PGGT1B: variants seen among roughly 807,000 people sequenced by gnomAD.
The protein encoded by PGGT1B is geranylgeranyl transferase type-1 subunit beta.
PGGT1B carries 30 observed loss-of-function variants against 46.1 expected under a neutral mutation model. The observed-to-expected ratio is 0.65, with a 90% CI of 0.49 to 0.88. The LOEUF (loss-of-function observed/expected upper bound fraction) is 0.88, where lower values mean the gene tolerates loss of function less well. Ranked by LOEUF, PGGT1B falls within the 40% of genes least tolerant of loss-of-function variation. PGGT1B has a pLI of 0.00. For synonymous variants in PGGT1B, 170 were observed against 160.0 expected (o/e 1.06, Z -0.47); for missense variants, 376 against 455.9 (o/e 0.82, Z 1.60).
At chr5:115,240,601 C>T (rs1461614574) in intron 3 of PGGT1B, among the ~76,000 whole-genome samples, 1 of 152,206 alleles carries the variant, frequency 6.6e-6, no homozygotes, top group Non-Finnish European at 1.5e-5. Context: ...CACAGGCAAG[C>T]TGGTTTACAG....
chr5:115,215,038 G>A (rs991544796), intron 8 of PGGT1B, among the ~76,000 whole-genome samples: 8 of 152,120 alleles, frequency 5.3e-5, no homozygotes, highest in Admixed American at 1.3e-4. Context: ...TCGCTCTGTC[G>A]CCCAGGCTGG....
rs779770906 is a variant in PGGT1B, at chr5:115,253,307, T to A, written c.141-52A>T. 8.6e-6 allele frequency: 12 copies of A among 1,396,634 alleles called. No homozygotes were observed. In the South Asian group the frequency reaches 1.6e-4, roughly 19 times the overall value. The allele number at this position is 1,396,634 out of a possible 1,614,324, so 86.5% of individuals were successfully genotyped here. A position where few individuals can be genotyped will look rare whatever the true frequency, so the allele number is the denominator to read the frequency against. On this transcript the variant is annotated intron_variant, in intron 1 of 8. Transcript: ENST00000419445. Reference sequence around the variant, plus strand: ...TCTTAACTATCATACCACTTAAGTCTGAAGTCTTCCTGGTCTAGAAAAATA... The same window carrying A: ...TCTTAACTATCATACCACTTAAGTCAGAAGTCTTCCTGGTCTAGAAAAATA...
At chr5:115,216,669 GAT>G (rs1443214829) in intron 8 of PGGT1B, among the ~76,000 whole-genome samples, 194 bp downstream of exon 8, 1 of 152,092 alleles carries the variant, frequency 6.6e-6, no homozygotes, top group African/African-American at 2.4e-5. Context: ...CATGCATCTT[GAT>G]AATAAACTCT....
intron 3 of PGGT1B, among the ~76,000 whole-genome samples, chr5:115,240,325 G>A (rs934618485): frequency 1.3e-5 from 2 of 152,120 alleles, no homozygotes; most frequent in South Asian, 4.2e-4. Context: ...TATTTTAAAA[G>A]TAATGTTATT....
chr5:115,226,539 A>G (rs907527000), intron 6 of PGGT1B, among the ~76,000 whole-genome samples: 4 of 145,422 alleles, frequency 2.8e-5, no homozygotes, highest in Middle Eastern at 3.3e-3. Context: ...TAGTTGAATT[A>G]AAATATATAT....
chr5:115,258,570 T>C (rs1748422151), intron 1 of PGGT1B, among the ~76,000 whole-genome samples: 1 of 152,212 alleles, frequency 6.6e-6, no homozygotes, highest in African/African-American at 2.4e-5. Flanking sequence ...ACTAGAGAAC[T>C]AATTGAAGTT....
chr5:115,246,887 G>C (rs1402899161), intron 2 of PGGT1B, among the ~76,000 whole-genome samples: 5 of 152,142 alleles, frequency 3.3e-5, no homozygotes, highest in Admixed American at 6.6e-5. Context: ...CATAAAAATT[G>C]AGGTTACTGA....
chr5:115,259,685 C>CA (rs917531364), intron 1 of PGGT1B, among the ~76,000 whole-genome samples: 5,064 of 29,140 alleles, frequency 0.17, 710 homozygotes, highest in African/African-American at 0.22. Context: ...GAGACTGTCT[C>CA]AAAAAAAAAA....
chr5:115,205,281 A>G lies in PGGT1B; in HGVS notation c.*7121T>C, dbSNP rs1756029363. On this transcript the variant is annotated 3_prime_UTR_variant, in exon 9 of 9. Coordinates refer to ENST00000419445, the MANE Select transcript of PGGT1B (RefSeq NM_005023.4). ...TTGACTCACAAGTAGATGCAAACAT[A>G]CATGAGTGAGGTCCCATGTACCAAT... 1 of 152,180 alleles carries G rather than the reference A, an allele frequency of 6.6e-6. No homozygotes were observed. Among genetic ancestry groups the G allele is most frequent in the African/African-American group, 2.4e-5 (1 of 41,454 alleles). The allele number at this position is 152,180 out of a possible 1,614,324, so 9.4% of individuals were successfully genotyped here.
At position 115,252,600 on chromosome 5, in the gene PGGT1B, G is replaced by A. The variant is rs114614095; in HGVS notation, c.259+537C>T. ...AACTTGTATATTTGCAGTTGATTAC[G>A]TAATTTATGAACTCTGAGAATTCAT... On this transcript the variant is annotated intron_variant, in intron 2 of 8. Transcript: ENST00000419445. Among the ~76,000 whole-genome samples the A allele has an allele frequency of 4.0e-3, 603 of 152,082 alleles. 5 individuals are homozygous for A. The highest frequency in any genetic ancestry group is 6.9e-3 in the Non-Finnish European group (469 of 67,888).
intron 3 of PGGT1B, among the ~76,000 whole-genome samples, chr5:115,239,642 A>G (rs568309246): frequency 2.0e-5 from 3 of 152,358 alleles, no homozygotes; most frequent in South Asian, 4.1e-4. Flanking sequence ...ATGAGTAGTC[A>G]TAAGGGAGGG....
At position 115,212,564 on chromosome 5, in the gene PGGT1B, A is replaced by G; in HGVS notation, c.972T>C (p.Phe324=). The G allele has an allele frequency of 1.2e-6, 2 of 1,610,840 alleles. No individual in the cohort carries two copies. The part of the protein sequence containing the change: ...DSHPDALHAY[F]GICGLSLMEE... ...CCATTAGTGACAGGCCACAGATCCC[A>G]AAGTATGCATGCAAAGCATCTGAAA... is the stretch of plus-strand genomic sequence containing the variant. Residue 324 remains phenylalanine, a synonymous_variant, in exon 9 of 9, where the codon TTT becomes TTC. Transcript: ENST00000419445.
intron 5 of PGGT1B, among the ~76,000 whole-genome samples, chr5:115,233,551 A>G (rs922127865): frequency 4.0e-5 from 6 of 151,428 alleles, no homozygotes; most frequent in African/African-American, 1.5e-4. Flanking sequence ...GAAGGAAAAA[A>G]AAAAAAAGCA....
chr5:115,216,056 T>G (rs1014948196), intron 8 of PGGT1B, among the ~76,000 whole-genome samples: 1 of 152,200 alleles, frequency 6.6e-6, no homozygotes, highest in Non-Finnish European at 1.5e-5. Flanking sequence ...ATGCCATTTA[T>G]ATTGTCTGAA....
In PGGT1B at chr5:115,207,180, C is replaced by CATACATATATATATAT. The variant is rs1554069083; in HGVS notation, c.*5221_*5222insATATATATATATGTAT. 4.4e-5 allele frequency: 4 copies of CATACATATATATATAT among 89,948 alleles called. No individual in the cohort carries two copies. The highest frequency in any genetic ancestry group is 1.2e-4 in the African/African-American group (3 of 24,488). The allele number at this position is 89,948 out of a possible 1,614,324, so 5.6% of individuals were successfully genotyped here. ...ACTAGTTTAGGTTTGCATATACATA[C>CATACATATATATATAT]ATATATATATATATATATATATATA... On this transcript the variant is annotated 3_prime_UTR_variant, in exon 9 of 9. Coordinates refer to ENST00000419445, the MANE Select transcript of PGGT1B (RefSeq NM_005023.4).
intron 3 of PGGT1B, among the ~76,000 whole-genome samples, chr5:115,239,642 A>C (rs568309246): frequency 1.3e-5 from 2 of 152,240 alleles, no homozygotes; most frequent in Admixed American, 6.5e-5. Context: ...ATGAGTAGTC[A>C]TAAGGGAGGG....
intron 2 of PGGT1B, among the ~76,000 whole-genome samples, chr5:115,242,192 T>C (rs1234208971): frequency 6.6e-6 from 1 of 152,230 alleles, no homozygotes; most frequent in Non-Finnish European, 1.5e-5. Context: ...AGTTAGCACT[T>C]AGTCTCTCTC....
In PGGT1B at chr5:115,215,053, C is replaced by T. The variant is rs1359016990; in HGVS notation, c.952+1812G>A. On this transcript the variant is annotated intron_variant, in intron 8 of 8. Transcript: ENST00000419445. Reference sequence around the variant, plus strand: ...TCGCTCTGTCGCCCAGGCTGGAGTGCAATGGTGAGATCTTGGCTCACTGCA... The same window carrying T: ...TCGCTCTGTCGCCCAGGCTGGAGTGTAATGGTGAGATCTTGGCTCACTGCA... Among the ~76,000 whole-genome samples the T allele has an allele frequency of 2.0e-5, 3 of 152,210 alleles. No homozygotes were observed. In the South Asian group the frequency reaches 6.2e-4, roughly 32 times the overall value.
At chr5:115,239,882 C>T (rs1165802109) in intron 3 of PGGT1B, among the ~76,000 whole-genome samples, 1 of 152,194 alleles carries the variant, frequency 6.6e-6, no homozygotes, top group Non-Finnish European at 1.5e-5. Context: ...TCAAAAAGTG[C>T]TCTACAGCCA....
Sources: allele counts gnomAD v4.1 joint callset (sites outside exome capture counted in the v4.1 genomes callset), GRCh38; gene constraint gnomAD v4.1.1; transcripts MANE v1.5; gene names NCBI Gene and HGNC (gene_info 2026-07-23, HGNC 2026-07-21).